Variants in RBFOX1 observed in about 807,000 individuals in gnomAD.
RBFOX1 encodes RNA binding fox-1 homolog 1.
In RBFOX1, 8 loss-of-function variants were observed where a neutral mutation model predicts 57.7. The ratio of observed to expected loss-of-function variants is 0.14; its 90% CI spans 0.08 to 0.25. RBFOX1 has a LOEUF of 0.25. Among genes scored for constraint, RBFOX1 ranks in the 10% least tolerant of loss-of-function variants. RBFOX1 has a pLI of 1.00. For synonymous variants in RBFOX1, 326 were observed against 222.4 expected, an observed-to-expected ratio of 1.47 and a Z score of -4.15; for missense variants, 611 against 548.5, an observed-to-expected ratio of 1.11 and a Z score of -1.14.
chr16:7,384,188 A>G (rs1597079143), intron 4 of RBFOX1, among the ~76,000 whole-genome samples: 1 of 150,934 alleles, frequency 6.6e-6, no homozygotes, highest in East Asian at 1.9e-4. Context: ...TATATGAAAC[A>G]TATATGAAAT....
intron 3 of RBFOX1, among the ~76,000 whole-genome samples, chr16:5,731,956 C>G (rs940427592): frequency 1.3e-5 from 2 of 152,166 alleles, no homozygotes; most frequent in African/African-American, 4.8e-5. Context: ...CCTGCTGACC[C>G]AAAAGCTTAA....
At chr16:7,481,720 G>C (rs1317483017) in intron 4 of RBFOX1, among the ~76,000 whole-genome samples, 2 of 152,094 alleles carry the variant, frequency 1.3e-5, no homozygotes, top group Non-Finnish European at 2.9e-5. Flanking sequence ...CTTAGGATGG[G>C]ATCATACTGC....
At chr16:6,753,560 G>A (rs967329650) in intron 3 of RBFOX1, among the ~76,000 whole-genome samples, 6 of 152,080 alleles carry the variant, frequency 3.9e-5, no homozygotes, top group African/African-American at 1.4e-4. Context: ...TGTTACATCT[G>A]TCTTAATAGA....
chr16:7,005,014 C>T (rs552658764), intron 3 of RBFOX1, among the ~76,000 whole-genome samples: 9 of 152,224 alleles, frequency 5.9e-5, no homozygotes, highest in South Asian at 2.1e-4. Flanking sequence ...CATGATGGTG[C>T]GTGCCTGTTA....
chr16:5,424,354 T>G (rs2151493124), intron 1 of RBFOX1, among the ~76,000 whole-genome samples: 2 of 152,300 alleles, frequency 1.3e-5, no homozygotes, highest in Middle Eastern at 6.8e-3. Flanking sequence ...CAGTGTGGTG[T>G]CTTGGAACAA....
intron 4 of RBFOX1, among the ~76,000 whole-genome samples, chr16:7,448,712 C>T (rs559843815): frequency 6.6e-6 from 1 of 152,270 alleles, no homozygotes; most frequent in African/African-American, 2.4e-5. Flanking sequence ...CTGGGTGATC[C>T]TTAGCTTGTG....
rs866592117 is a variant in RBFOX1 at position 7,495,326 on chromosome 16, A to G, written c.28-22821A>G. Among the ~76,000 whole-genome samples the G allele has an allele frequency of 1.1e-4, 16 of 152,244 alleles. No homozygotes were observed. The South Asian group carries it at 2.1e-3, about 20-fold the overall frequency. On this transcript the variant is annotated intron_variant, in intron 4 of 15. Coordinates refer to ENST00000550418, the MANE Select transcript of RBFOX1 (RefSeq NM_018723.4). ...GATAACAATTTCTTTTCCTTTGGGT[A>G]TTTCCCCAGTCATGGGATTGCTGGA...
chr16:6,491,844 A>G (rs1017085549), intron 2 of RBFOX1, among the ~76,000 whole-genome samples: 2 of 152,184 alleles, frequency 1.3e-5, no homozygotes, highest in Non-Finnish European at 1.5e-5. Flanking sequence ...AGCTATATCA[A>G]TCATTGTTCT....
At chr16:5,812,673 G>A (rs961952208) in intron 3 of RBFOX1, among the ~76,000 whole-genome samples, 4 of 151,924 alleles carry the variant, frequency 2.6e-5, no homozygotes, top group East Asian at 1.9e-4. Context: ...TGTTGCCTAC[G>A]TTGGTCTCAA....
rs183139252 is a variant in RBFOX1, at chr16:5,867,301, A to G, written c.319-2A>G. ...TAATGTCTTTTTTTGTTTAACTTGCAGGTTTCGGCAAGTCAGGCTACAGGC... is the reference window on the plus strand; with the variant it reads ...TAATGTCTTTTTTTGTTTAACTTGCGGGTTTCGGCAAGTCAGGCTACAGGC... On this transcript the variant is annotated splice_acceptor_variant, in intron 3 of 19. Coordinates refer to the RBFOX1 transcript ENST00000641259. LOFTEE classifies it high-confidence loss of function. 22 of 1,203,786 alleles carry G rather than the reference A, an allele frequency of 1.8e-5. No individual in the cohort carries two copies. The East Asian group carries it at 3.2e-4, about 17-fold the overall frequency. The allele number at this position is 1,203,786 out of a possible 1,614,324, so 74.6% of individuals were successfully genotyped here.
rs545849426 is a variant in RBFOX1, at chr16:6,303,048, A to T, written c.-126-13947A>T. Among the ~76,000 whole-genome samples, 4 of 152,226 alleles carry T rather than the reference A, an allele frequency of 2.6e-5. No homozygotes were observed. In the South Asian group the frequency reaches 8.3e-4, roughly 32 times the overall value. On this transcript the variant is annotated intron_variant, in intron 1 of 15. Coordinates refer to ENST00000550418, the MANE Select transcript of RBFOX1 (RefSeq NM_018723.4). ...TTGGGATATGATGCTTGAGGTTCTT[A>T]TTCTTAAAGATAACTGCACCAAGTT...
chr16:5,886,119 G>C (rs1230275313), intron 4 of RBFOX1, among the ~76,000 whole-genome samples: 2 of 152,136 alleles, frequency 1.3e-5, no homozygotes, highest in East Asian at 3.8e-4. Flanking sequence ...AGCTTCCTGA[G>C]GCCTCCCAGC....
At chr16:5,722,276 G>A (rs897650416) in intron 3 of RBFOX1, among the ~76,000 whole-genome samples, 1 of 152,216 alleles carries the variant, frequency 6.6e-6, no homozygotes, top group Non-Finnish European at 1.5e-5. Context: ...AGGCTACAGT[G>A]TATCTAATCT....
intron 10 of RBFOX1, 21 bp downstream of exon 10, chr16:7,607,359 C>T (rs769902614): frequency 5.6e-6 from 9 of 1,604,628 alleles, no homozygotes; most frequent in South Asian, 1.1e-5. Flanking sequence ...TCTCTTTGCA[C>T]GAAGTCTTCT....
At chr16:5,556,544 C>G (rs963625225) in intron 2 of RBFOX1, among the ~76,000 whole-genome samples, 1 of 152,204 alleles carries the variant, frequency 6.6e-6, no homozygotes, top group African/African-American at 2.4e-5. Flanking sequence ...GAAGTGACAG[C>G]TCTCCAAGAC....
At chr16:7,374,979 A>G (rs765735127) in intron 4 of RBFOX1, among the ~76,000 whole-genome samples, 3 of 152,132 alleles carry the variant, frequency 2.0e-5, no homozygotes, top group East Asian at 1.9e-4. Context: ...TGTGTACAAC[A>G]TCTGTCTTGG....
At chr16:5,376,450 G>T (rs1012392051) in intron 1 of RBFOX1, among the ~76,000 whole-genome samples, 1 of 152,152 alleles carries the variant, frequency 6.6e-6, no homozygotes, top group Non-Finnish European at 1.5e-5. Context: ...GGTGGGTGGG[G>T]ACCCTGCTCA....
rs374375329 is a variant in RBFOX1 at position 7,683,033 on chromosome 16, T to TATATATATAA, written c.995+6196_995+6197insTATATATAAA. ...GTGTATATATATATATATATATATA[T>TATATATATAA]AAAACAGTGCTCCTCTTAAAGTGAT... On this transcript the variant is annotated intron_variant, in intron 14 of 15. Transcript: ENST00000550418. Among the ~76,000 whole-genome samples the TATATATATAA allele has an allele frequency of 1.8e-3, 47 of 25,818 alleles. 2 individuals carry two copies. Among genetic ancestry groups the TATATATATAA allele is most frequent in the Middle Eastern group, 0.017 (1 of 58 alleles). The allele number at this position is 25,818 out of a possible 152,430, so 16.9% of individuals were successfully genotyped here.
chr16:6,928,524 C>T (rs2076007063), intron 3 of RBFOX1, among the ~76,000 whole-genome samples: 1 of 152,046 alleles, frequency 6.6e-6, no homozygotes, highest in South Asian at 2.1e-4. Context: ...CTCTTGTCTT[C>T]TCTAATCGTT....
Sources: allele counts gnomAD v4.1 joint callset (sites outside exome capture counted in the v4.1 genomes callset), GRCh38; gene constraint gnomAD v4.1.1; transcripts MANE v1.5; gene names NCBI Gene and HGNC (gene_info 2026-07-23, HGNC 2026-07-21).